The following SUPT3H variants were observed in gnomAD, a reference collection of about 807,000 sequenced individuals.
SUPT3H encodes SPT3 homolog, SAGA and STAGA complex component, also known as transcription initiation protein SPT3 homolog.
A neutral mutation model predicts 44.3 loss-of-function variants in SUPT3H; 44 were observed. That is an observed-to-expected ratio of 0.99 (90% CI 0.78 to 1.28). The LOEUF (loss-of-function observed/expected upper bound fraction) is 1.28. Ranked by LOEUF, SUPT3H falls within the 50% of genes most tolerant of loss-of-function variation. The probability of loss-of-function intolerance (pLI) is 0.00; values close to 1 mark genes in which losing one functional copy is unlikely to be tolerated. For synonymous variants in SUPT3H, 124 were observed against 125.6 expected (o/e 0.99, Z 0.09); for missense variants, 380 against 387.1 (o/e 0.98, Z 0.15).
intron 10 of SUPT3H, among the ~76,000 whole-genome samples, chr6:44,890,804 C>G (rs1241698737): frequency 2.0e-5 from 3 of 151,414 alleles, no homozygotes; most frequent in Non-Finnish European, 4.4e-5. Flanking sequence ...ACATGGAATA[C>G]TATGCAGCCA....
intron 6 of SUPT3H, among the ~76,000 whole-genome samples, chr6:44,981,991 T>C (rs1362823013): frequency 6.6e-6 from 1 of 151,932 alleles, no homozygotes; most frequent in Non-Finnish European, 1.5e-5. Context: ...CAGTGAGCAA[T>C]GATCTCACTA....
intron 10 of SUPT3H, among the ~76,000 whole-genome samples, chr6:44,890,258 G>C (rs1449865540): frequency 1.3e-5 from 2 of 149,162 alleles, no homozygotes; most frequent in African/African-American, 4.9e-5. Flanking sequence ...CCCATTACTG[G>C]GTATATACCC....
chr6:45,080,341 G>C (rs1370361210), intron 3 of SUPT3H, among the ~76,000 whole-genome samples: 4 of 152,130 alleles, frequency 2.6e-5, no homozygotes, highest in African/African-American at 9.7e-5. Context: ...ATGTTGGTTT[G>C]AATGTAAATT....
At chr6:45,281,030 T>A (rs139577731) in intron 2 of SUPT3H, among the ~76,000 whole-genome samples, 31 of 152,382 alleles carry the variant, frequency 2.0e-4, no homozygotes, top group African/African-American at 7.5e-4. Context: ...GTAATAGTAA[T>A]TAACTGAGAT....
At position 45,021,404 on chromosome 6, in the gene SUPT3H, T is replaced by C. The variant is rs527337164; in HGVS notation, c.187-772A>G. On this transcript the variant is annotated intron_variant, in intron 3 of 10. Coordinates refer to ENST00000371459, the MANE Select transcript of SUPT3H (RefSeq NM_003599.4). Reference sequence around the variant, plus strand: ...AATGTGAAAAATGATAGTTCCGTTTTTTGGCACAGGCAAACTCAATTTCTT... The same window carrying C: ...AATGTGAAAAATGATAGTTCCGTTTCTTGGCACAGGCAAACTCAATTTCTT... Among the ~76,000 whole-genome samples, 232 of 152,062 alleles carry C rather than the reference T, an allele frequency of 1.5e-3. 1 individual carries two copies. The highest frequency in any genetic ancestry group is 2.8e-3 in the Non-Finnish European group (189 of 67,864).
intron 2 of SUPT3H, chr6:45,159,321 A>T (rs1391886689): frequency 2.6e-5 from 4 of 152,212 alleles, no homozygotes; most frequent in Non-Finnish European, 5.9e-5. Flanking sequence ...AACTGGCTCA[A>T]ATTACTTATC....
intron 2 of SUPT3H, among the ~76,000 whole-genome samples, chr6:45,174,671 G>A (rs2153608298): frequency 6.6e-6 from 1 of 152,204 alleles, no homozygotes; most frequent in East Asian, 1.9e-4. Context: ...GTAGTAACAT[G>A]CTCTATTTTA....
chr6:44,942,331 C>T (rs1405307211), intron 9 of SUPT3H, among the ~76,000 whole-genome samples: 3 of 151,846 alleles, frequency 2.0e-5, no homozygotes, highest in Non-Finnish European at 4.4e-5. Context: ...GCACTGTAGA[C>T]TGATCAAAAC....
chr6:45,086,251 T>C (rs1796459731), intron 3 of SUPT3H, among the ~76,000 whole-genome samples: 1 of 152,084 alleles, frequency 6.6e-6, no homozygotes, highest in Non-Finnish European at 1.5e-5. Flanking sequence ...AAATGCTTAC[T>C]GCACAAATAA....
At chr6:44,986,766 C>T (rs1210679246) in intron 6 of SUPT3H, among the ~76,000 whole-genome samples, 1 of 151,866 alleles carries the variant, frequency 6.6e-6, no homozygotes, top group Non-Finnish European at 1.5e-5. Context: ...GTTCAGGGTA[C>T]CGGAGATACT....
At chr6:45,229,092 A>G (rs1408602387) in intron 2 of SUPT3H, among the ~76,000 whole-genome samples, 2 of 152,216 alleles carry the variant, frequency 1.3e-5, no homozygotes, top group African/African-American at 4.8e-5. Context: ...ATTTTTTAAA[A>G]TCATATATAA....
intron 3 of SUPT3H, among the ~76,000 whole-genome samples, chr6:45,071,437 A>G (rs1319428153): frequency 6.6e-6 from 1 of 152,128 alleles, no homozygotes; most frequent in Non-Finnish European, 1.5e-5. Context: ...ACTGATCTGC[A>G]ATCTGAGTCC....
intron 2 of SUPT3H, chr6:45,361,558 A>C (rs1003709107): frequency 6.6e-6 from 1 of 152,222 alleles, no homozygotes; most frequent in Non-Finnish European, 1.5e-5. Context: ...AAAAGATTTC[A>C]CTTTCAAATT....
At chr6:45,326,079 A>G (rs1212623647) in intron 2 of SUPT3H, among the ~76,000 whole-genome samples, 14 of 151,912 alleles carry the variant, frequency 9.2e-5, no homozygotes, top group Non-Finnish European at 1.8e-4. Flanking sequence ...AAAAGTGAAC[A>G]GGTAATTAAA....
At chr6:44,928,884 A>AAATAAATAAAT (rs1406433106) in intron 10 of SUPT3H, among the ~76,000 whole-genome samples, 3 of 98,606 alleles carry the variant, frequency 3.0e-5, no homozygotes, top group African/African-American at 1.1e-4. Flanking sequence ...CTCCGTCTCA[A>AAATAAATAAAT]AAAAAAAAAA....
intron 3 of SUPT3H, among the ~76,000 whole-genome samples, chr6:45,104,076 A>G (rs1350903799): frequency 6.6e-6 from 1 of 152,160 alleles, no homozygotes; most frequent in Non-Finnish European, 1.5e-5. Context: ...AAAAAAAGTT[A>G]CAAGGCTTCT....
At chr6:45,269,931 T>A (rs1052457154) in intron 2 of SUPT3H, among the ~76,000 whole-genome samples, 1 of 152,144 alleles carries the variant, frequency 6.6e-6, no homozygotes, top group Non-Finnish European at 1.5e-5. Flanking sequence ...CATTCCTCTA[T>A]CCTGACCCTA....
chr6:45,005,898 T>C (rs867158254), intron 5 of SUPT3H, among the ~76,000 whole-genome samples: 6 of 152,264 alleles, frequency 3.9e-5, no homozygotes, highest in Middle Eastern at 3.4e-3. Flanking sequence ...TGTAGATATA[T>C]TGAAAAAATT....
chr6:44,842,493 G>T (rs542895709), intron 10 of SUPT3H, among the ~76,000 whole-genome samples: 2 of 152,028 alleles, frequency 1.3e-5, no homozygotes, highest in Non-Finnish European at 2.9e-5. Context: ...GAGATCATGA[G>T]GCTAGTCAGT....
Sources: gnomAD v4.1 joint callset for allele counts (sites outside exome capture counted in the v4.1 genomes callset) on GRCh38, gnomAD v4.1.1 for gene constraint, MANE v1.5 for transcripts, NCBI Gene and HGNC (gene_info 2026-07-23, HGNC 2026-07-21) for gene names.